MMS19: variants seen among roughly 807,000 people sequenced by gnomAD.
MMS19 encodes the protein MMS19 nucleotide excision repair protein homolog.
Under a neutral mutation model 129.8 loss-of-function variants are expected in MMS19, and 77 were observed. The ratio of observed to expected loss-of-function variants is 0.59; its 90% CI spans 0.49 to 0.72. The LOEUF is 0.72. Among genes scored for constraint, MMS19 ranks in the 30% least tolerant of loss-of-function variants. The pLI, the probability that MMS19 is intolerant of heterozygous loss-of-function variation, is 0.00. For missense variants in MMS19, 1,168 were observed against 1,266.3 expected, an observed-to-expected ratio of 0.92 and a Z score of 1.18; for synonymous variants, 491 against 502.8, an observed-to-expected ratio of 0.98 and a Z score of 0.31.
chr10:97,462,276 C>T (rs1333130045), intron 20 of MMS19, among the ~76,000 whole-genome samples, 157 bp from the exon 21 acceptor site: 1 of 152,246 alleles, frequency 6.6e-6, no homozygotes, highest in Non-Finnish European at 1.5e-5. Context: ...TAATTTGGCA[C>T]ATATGTGCCA....
In MMS19 at chr10:97,476,823, AC is replaced by A; in HGVS notation, c.622+11del. On this transcript the variant is annotated intron_variant, in intron 7 of 30. Coordinates refer to ENST00000438925, the MANE Select transcript of MMS19 (RefSeq NM_022362.5). ...AAGCTCCAATGAGCTAATCATGGCTACCACGATATACCCAGGCTATAGTCCC... is the reference window on the plus strand; with the variant it reads ...AAGCTCCAATGAGCTAATCATGGCTACACGATATACCCAGGCTATAGTCCC... 1.2e-6 allele frequency: 2 copies of A among 1,613,970 alleles called. No individual in the cohort carries two copies. The highest frequency in any genetic ancestry group is 1.7e-6 in the Non-Finnish European group (2 of 1,179,860).
intron 23 of MMS19, 62 bp from the exon 24 acceptor site, chr10:97,461,069 G>A: frequency 1.5e-6 from 2 of 1,345,050 alleles, no homozygotes; most frequent in South Asian, 1.3e-5. Context: ...GCAATGAAAT[G>A]CAAATCACTT....
chr10:97,486,412 C>A (rs1258491899), intron 1 of MMS19, among the ~76,000 whole-genome samples: 3 of 152,174 alleles, frequency 2.0e-5, no homozygotes, highest in Non-Finnish European at 2.9e-5. Flanking sequence ...AACTACTGAC[C>A]TCAGGTGATC....
chr10:97,478,052 A>T, intron 4 of MMS19, 123 bp from the exon 5 acceptor site: 2 of 688,402 alleles, frequency 2.9e-6, no homozygotes, highest in Admixed American at 5.9e-5. Flanking sequence ...AGGAAGAAGC[A>T]CTAATAGTGA....
chr10:97,497,991 C>A (rs1183318546), intron 1 of MMS19, among the ~76,000 whole-genome samples: 4 of 152,230 alleles, frequency 2.6e-5, no homozygotes, highest in Non-Finnish European at 4.4e-5. Flanking sequence ...TGCAGCCCTG[C>A]GCAAGTCCTC....
chr10:97,461,452 G>A, intron 23 of MMS19, 44 bp downstream of exon 23: 1 of 1,596,448 alleles, frequency 6.3e-7, no homozygotes, highest in Non-Finnish European at 8.5e-7. Flanking sequence ...GATTTCATGG[G>A]TAGTTGATTC....
rs2035980397 is a variant in MMS19, at chr10:97,477,521, C to A, written c.424-105G>T. On this transcript the variant is annotated intron_variant, in intron 5 of 30. Transcript: ENST00000438925. ...CTCTAAGTGAACAGTGCTCTTTATACCAGCATAAGATCAATCTAAGAGAAA... is the reference window on the plus strand; with the variant it reads ...CTCTAAGTGAACAGTGCTCTTTATAACAGCATAAGATCAATCTAAGAGAAA... 4.8e-6 allele frequency: 7 copies of A among 1,451,664 alleles called. No homozygotes were observed. In the East Asian group the frequency reaches 1.4e-4, roughly 28 times the overall value. 89.9% of individuals were successfully genotyped at this position (1,451,664 alleles called of 1,614,324 possible). A position where few individuals can be genotyped will look rare whatever the true frequency, so the allele number is the denominator to read the frequency against.
rs1487684313 is a variant in MMS19 at position 97,470,213 on chromosome 10, A to C, written c.772-10T>G. The C allele has an allele frequency of 6.3e-7, 1 of 1,596,862 alleles. No individual in the cohort carries two copies. Among genetic ancestry groups the C allele is most frequent in the East Asian group, 2.2e-5 (1 of 44,472 alleles). On this transcript the variant is annotated splice_polypyrimidine_tract_variant and intron_variant, in intron 9 of 30. Transcript: ENST00000438925. Reference sequence around the variant, plus strand: ...ACAGGGGCAGCAGAAACTGTGGGACAGAAGGAAGATCTTAAGCCTGAGATG... The same window carrying C: ...ACAGGGGCAGCAGAAACTGTGGGACCGAAGGAAGATCTTAAGCCTGAGATG...
At chr10:97,469,477 T>A (rs1304931928) in intron 11 of MMS19, among the ~76,000 whole-genome samples, 169 bp downstream of exon 11, 1 of 152,240 alleles carries the variant, frequency 6.6e-6, no homozygotes, top group African/African-American at 2.4e-5. Flanking sequence ...ATAGGGACTC[T>A]CTCTCTTGTC....
chr10:97,486,971 T>G (rs915701794), intron 1 of MMS19, among the ~76,000 whole-genome samples: 6 of 147,910 alleles, frequency 4.1e-5, no homozygotes, highest in African/African-American at 1.5e-4. Context: ...TATTAAGAGA[T>G]TATTATATGG....
At chr10:97,485,398 C>T (rs940144921) in intron 1 of MMS19, among the ~76,000 whole-genome samples, 4 of 152,028 alleles carry the variant, frequency 2.6e-5, no homozygotes, top group Non-Finnish European at 5.9e-5. Context: ...CTGCAACCTC[C>T]GCCTCCCGGG....
chr10:97,469,256 G>C, intron 11 of MMS19, 152 bp from the exon 12 acceptor site: 1 of 558,294 alleles, frequency 1.8e-6, no homozygotes. Context: ...CTTCTCAATT[G>C]GTGTGTTCTT....
chr10:97,478,579 C>T (rs970153192), intron 3 of MMS19, among the ~76,000 whole-genome samples, 190 bp from the exon 4 acceptor site: 3 of 152,196 alleles, frequency 2.0e-5, no homozygotes, highest in East Asian at 1.9e-4. Flanking sequence ...AATAGGGGAA[C>T]ATTTCTTAAT....
In MMS19 at chr10:97,458,806, C is replaced by T. The variant is rs2030653085; in HGVS notation, c.3059G>A (p.Gly1020Glu). The T allele has an allele frequency of 6.2e-7, 1 of 1,613,858 alleles. No homozygotes were observed. Among genetic ancestry groups the T allele is most frequent in the Admixed American group, 1.7e-5 (1 of 60,004 alleles). Residue 1020 changes from glycine to glutamate, a missense_variant, in exon 30 of 31, where the codon GGG becomes GAG. Physicochemically the swap from Gly to Glu is moderately conservative, Grantham distance 98. This residue lies in a region of MMS19 where 831 missense variants were observed against 910.8 expected (regional missense o/e 0.91). Transcript: ENST00000438925. ...CCACGACCTAGAAACTCACCACTCC[C>T]CTCTGGCTGACACTGCTTCCTTGCG... ...LVRKEAVSAR[G>E]EWFLLGSPGS
intron 8 of MMS19, among the ~76,000 whole-genome samples, chr10:97,473,961 G>A (rs937474701): frequency 2.0e-5 from 3 of 151,826 alleles, no homozygotes; most frequent in Non-Finnish European, 2.9e-5. Context: ...TGGGCAACAT[G>A]GCAAAATCCT....
chr10:97,478,840 A>G (rs530615442), intron 3 of MMS19, among the ~76,000 whole-genome samples: 10 of 152,164 alleles, frequency 6.6e-5, no homozygotes, highest in Admixed American at 2.6e-4. Flanking sequence ...GTTTTTTTTA[A>G]TGTGTGACAT....
At chr10:97,484,346 AAAGAAAATAAAT>A (rs2037428327) in intron 1 of MMS19, among the ~76,000 whole-genome samples, 195 bp from the exon 2 acceptor site, 1 of 152,162 alleles carries the variant, frequency 6.6e-6, no homozygotes, top group African/African-American at 2.4e-5. Context: ...TAAAAATTGA[AAAGAAAATAAAT>A]ATATCATTTG....
At chr10:97,495,507 G>C (rs903793712) in intron 1 of MMS19, among the ~76,000 whole-genome samples, 1 of 152,218 alleles carries the variant, frequency 6.6e-6, no homozygotes, top group Non-Finnish European at 1.5e-5. Flanking sequence ...TAGGCTGAAA[G>C]ATTAGAAAGC....
chr10:97,465,470 A>G (rs1473647154), intron 18 of MMS19, among the ~76,000 whole-genome samples: 1 of 152,094 alleles, frequency 6.6e-6, no homozygotes, highest in Non-Finnish European at 1.5e-5. Context: ...TGCCCAGCTA[A>G]TTTTTTGTAT....
Sources: gnomAD v4.1 joint callset for allele counts (sites outside exome capture counted in the v4.1 genomes callset) on GRCh38, gnomAD v4.1.1 for gene constraint, gnomAD v4.1.1 regional missense constraint, MANE v1.5 for transcripts, NCBI Gene and HGNC (gene_info 2026-07-23, HGNC 2026-07-21) for gene names.